The following SEL1L2 variants were observed in gnomAD, a reference collection of about 807,000 sequenced individuals.
The protein encoded by SEL1L2 is SEL1L2 adaptor subunit of SYVN1 ubiquitin ligase.
A neutral mutation model predicts 98.8 loss-of-function variants in SEL1L2; 89 were observed. The ratio of observed to expected loss-of-function variants is 0.90; its 90% CI spans 0.76 to 1.07. The LOEUF (loss-of-function observed/expected upper bound fraction) is 1.07. Among genes scored for constraint, SEL1L2 ranks in the 50% least tolerant of loss-of-function variants. The pLI is 0.00. For synonymous variants in SEL1L2, 262 were observed against 278.5 expected (o/e 0.94, Z 0.59); for missense variants, 788 against 812.0 (o/e 0.97, Z 0.36).
rs117930418 is a variant in SEL1L2 at position 13,922,836 on chromosome 20, A to G, written c.284-3713T>C. Among the ~76,000 whole-genome samples, 1,256 of 152,208 alleles carry G rather than the reference A, an allele frequency of 8.3e-3. 14 individuals are homozygous for G. The highest frequency in any genetic ancestry group is 0.013 in the Non-Finnish European group (908 of 68,016). Reference sequence around the variant, plus strand: ...GATAGTATTGATTGATTTGTTTTTAAACTTACGTATTAAGATTTTAGATTT... The same window carrying G: ...GATAGTATTGATTGATTTGTTTTTAGACTTACGTATTAAGATTTTAGATTT... On this transcript the variant is annotated intron_variant, in intron 3 of 19. Transcript: ENST00000284951.
intron 5 of SEL1L2, among the ~76,000 whole-genome samples, chr20:13,907,482 T>C (rs989629605): frequency 6.6e-6 from 1 of 151,746 alleles, no homozygotes; most frequent in Non-Finnish European, 1.5e-5. Context: ...GGTGGGAGGA[T>C]TGTTTAAGCC....
intron 18 of SEL1L2, among the ~76,000 whole-genome samples, chr20:13,854,921 C>A (rs773299929): frequency 6.6e-6 from 1 of 151,894 alleles, no homozygotes; most frequent in African/African-American, 2.4e-5. Context: ...CATAGTGGTG[C>A]GTGCCTGTAG....
intron 1 of SEL1L2, among the ~76,000 whole-genome samples, chr20:13,979,951 C>A (rs1490418366): frequency 6.6e-6 from 1 of 151,966 alleles, no homozygotes; most frequent in African/African-American, 2.4e-5. Flanking sequence ...TATTTGCAAA[C>A]CATACATTTG....
chr20:13,956,735 T>C (rs572840224), intron 1 of SEL1L2, among the ~76,000 whole-genome samples: 16 of 152,276 alleles, frequency 1.1e-4, no homozygotes, highest in Non-Finnish European at 2.2e-4. Flanking sequence ...TGCATAATCA[T>C]TGGCATATTT....
chr20:13,904,344 C>A (rs139071418), intron 5 of SEL1L2, among the ~76,000 whole-genome samples: 2 of 152,110 alleles, frequency 1.3e-5, no homozygotes, highest in Non-Finnish European at 2.9e-5. Context: ...GCCTGGCCAA[C>A]GTGGTGAAAC....
rs757657729 is a variant in SEL1L2 at position 13,869,533 on chromosome 20, C to G, written c.1225G>C (p.Ala409Pro). ...QKAAEKGWPD[A>P]QFQLGFMYYS... ...TACATGAAGCCTAACTGGAACTGTG[C>G]GTCGGGCCACCCTTTTTCCGCAGCT... is the stretch of plus-strand genomic sequence containing the variant. The change falls in exon 14 of 20, where the codon GCA becomes CCA. Residue 409 changes from alanine to proline, a missense_variant. By Grantham distance (27) the Ala-to-Pro change is conservative (BLOSUM62 -1). Transcript: ENST00000284951. The G allele has an allele frequency of 1.9e-6, 3 of 1,614,062 alleles. 1 individual carries two copies. The highest frequency in any genetic ancestry group is 2.5e-6 in the Non-Finnish European group (3 of 1,179,962).
In SEL1L2 at chr20:13,964,447, AT is replaced by A. The variant is rs369646828; in HGVS notation, c.59-8317del. Among the ~76,000 whole-genome samples the A allele has an allele frequency of 1.5e-3, 166 of 111,464 alleles. 3 individuals are homozygous for A. The highest frequency in any genetic ancestry group is 9.7e-3 in the East Asian group (37 of 3,796). The allele number at this position is 111,464 out of a possible 152,430, so 73.1% of individuals were successfully genotyped here. Reference sequence around the variant, plus strand: ...GTGCTCTGCTATCTGCTATCTCTTCATTTTTTTTTTTTTTTTTTTTCTGAGA... The same window carrying A: ...GTGCTCTGCTATCTGCTATCTCTTCATTTTTTTTTTTTTTTTTTTCTGAGA... On this transcript the variant is annotated intron_variant, in intron 1 of 19. Coordinates refer to ENST00000284951, the MANE Select transcript of SEL1L2 (RefSeq NM_025229.2).
intron 3 of SEL1L2, among the ~76,000 whole-genome samples, chr20:13,921,737 T>C (rs1481462931): frequency 6.6e-6 from 1 of 152,224 alleles, no homozygotes; most frequent in Non-Finnish European, 1.5e-5. Context: ...GAACCGTTTT[T>C]CAAATTTTTC....
intron 5 of SEL1L2, among the ~76,000 whole-genome samples, chr20:13,905,244 A>G (rs1185038530): frequency 6.6e-6 from 1 of 152,104 alleles, no homozygotes; most frequent in East Asian, 1.9e-4. Flanking sequence ...CACTAGAGGA[A>G]GTCATAAGAT....
rs1357799932 is a variant in SEL1L2 at position 13,938,847 on chromosome 20, A to G, written c.115-7076T>C. Among the ~76,000 whole-genome samples the G allele has an allele frequency of 2.0e-5, 3 of 152,062 alleles. No individual in the cohort carries two copies. The East Asian group carries it at 5.8e-4, about 29-fold the overall frequency. On this transcript the variant is annotated intron_variant, in intron 2 of 19. Coordinates refer to ENST00000284951, the MANE Select transcript of SEL1L2 (RefSeq NM_025229.2). ...ATTAACTGTTATTACTATATTAACT[A>G]TATATGTTTTCTGTTTAAATACATT...
At chr20:13,941,200 G>A (rs1303749880) in intron 2 of SEL1L2, among the ~76,000 whole-genome samples, 7 of 152,124 alleles carry the variant, frequency 4.6e-5, no homozygotes, top group African/African-American at 7.2e-5. Context: ...TGAGCTGACC[G>A]GCCTCGTAAG....
Position 13,849,408 on chromosome 20 carries a change from A to G in SEL1L2, c.*77T>C. On this transcript the variant is annotated 3_prime_UTR_variant, in exon 20 of 20. Coordinates refer to ENST00000284951, the MANE Select transcript of SEL1L2 (RefSeq NM_025229.2). ...AAACTGCAGCGGACTCTTGATTTGG[A>G]TGGGAAACTGTTTATTTAGTGGGGA... The G allele has an allele frequency of 6.4e-7, 1 of 1,557,194 alleles. No individual in the cohort carries two copies. The highest frequency in any genetic ancestry group is 8.7e-7 in the Non-Finnish European group (1 of 1,143,546).
At chr20:13,935,263 T>C (rs2049396349) in intron 2 of SEL1L2, among the ~76,000 whole-genome samples, 1 of 152,194 alleles carries the variant, frequency 6.6e-6, no homozygotes, top group Non-Finnish European at 1.5e-5. Context: ...ACAAGCATTT[T>C]TGGAGCATTG....
intron 2 of SEL1L2, among the ~76,000 whole-genome samples, chr20:13,954,350 G>T (rs1481103023): frequency 6.6e-6 from 1 of 152,098 alleles, no homozygotes; most frequent in Non-Finnish European, 1.5e-5. Context: ...GTGAGCTGAG[G>T]ATACTCTATT....
intron 10 of SEL1L2, among the ~76,000 whole-genome samples, chr20:13,880,438 CT>C (rs948070706): frequency 3.2e-4 from 49 of 151,482 alleles, no homozygotes; most frequent in Admixed American, 1.7e-3. Flanking sequence ...ATTTCATTCC[CT>C]TTTTTTTTCT....
chr20:13,990,271 C>T (rs1027878073), intron 1 of SEL1L2, among the ~76,000 whole-genome samples: 2 of 152,176 alleles, frequency 1.3e-5, no homozygotes, highest in Non-Finnish European at 2.9e-5. Context: ...TTCCCAAGTA[C>T]ACACCCTTCC....
chr20:13,944,800 T>G (rs1483790467), intron 2 of SEL1L2, among the ~76,000 whole-genome samples: 1 of 152,200 alleles, frequency 6.6e-6, no homozygotes, highest in African/African-American at 2.4e-5. Context: ...ATGATGGTGA[T>G]TTCTGAAATT....
chr20:13,954,116 T>G (rs1163128620), intron 2 of SEL1L2, among the ~76,000 whole-genome samples: 3 of 151,936 alleles, frequency 2.0e-5, no homozygotes, highest in Non-Finnish European at 4.4e-5. Context: ...CTTTTTTTTT[T>G]GGAAGTTGTA....
chr20:13,942,155 G>A (rs1054017401), intron 2 of SEL1L2, among the ~76,000 whole-genome samples: 1 of 152,212 alleles, frequency 6.6e-6, no homozygotes, highest in Non-Finnish European at 1.5e-5. Context: ...TTAGGTAAAT[G>A]AATGAGATGC....
Sources: allele counts gnomAD v4.1 joint callset (sites outside exome capture counted in the v4.1 genomes callset), GRCh38; gene constraint gnomAD v4.1.1; transcripts MANE v1.5; gene names NCBI Gene and HGNC (gene_info 2026-07-23, HGNC 2026-07-21).